The following ALDH3B2 variants were observed in gnomAD, a reference collection of about 807,000 sequenced individuals.
The protein encoded by ALDH3B2 is aldehyde dehydrogenase 3 family member B2.
ALDH3B2 carries 45 observed loss-of-function variants against 36.7 expected under a neutral mutation model. That is an observed-to-expected ratio of 1.23 (90% CI 0.97 to 1.57). The LOEUF is 1.57. ALDH3B2 is among the 40% of genes most tolerant of loss of function. ALDH3B2 has a pLI of 0.00. For synonymous variants in ALDH3B2, 217 were observed against 226.5 expected, an observed-to-expected ratio of 0.96 and a Z score of 0.38; for missense variants, 464 against 513.3, an observed-to-expected ratio of 0.90 and a Z score of 0.93.
intron 3 of ALDH3B2, 36 bp from the exon 4 acceptor site, chr11:67,666,730 G>A: frequency 6.2e-7 from 1 of 1,612,746 alleles, no homozygotes. Context: ...CCCTGCCAAG[G>A]GCCACCCCAA....
chr11:67,680,814 A>G (rs1015177742), intron 1 of ALDH3B2, among the ~76,000 whole-genome samples: 1 of 152,122 alleles, frequency 6.6e-6, no homozygotes, highest in African/African-American at 2.4e-5. Flanking sequence ...AACCTCTCTC[A>G]TTTGGCACCC....
chr11:67,674,248 C>A (rs898128415), intron 1 of ALDH3B2, among the ~76,000 whole-genome samples, 188 bp downstream of exon 1: 57 of 152,166 alleles, frequency 3.7e-4, no homozygotes, highest in African/African-American at 1.3e-3. Flanking sequence ...AAGACACCAG[C>A]ACCCACCTCC....
chr11:67,675,499 G>A (rs1482129151), upstream of ALDH3B2, among the ~76,000 whole-genome samples: 1 of 152,166 alleles, frequency 6.6e-6, no homozygotes, highest in Admixed American at 6.5e-5. Context: ...CTTCCCCCAA[G>A]CCTGAGACCA....
exon 3 of ALDH3B2, chr11:67,666,948 G>A: frequency 1.2e-6 from 2 of 1,614,158 alleles, no homozygotes; most frequent in South Asian, 1.1e-5. Flanking sequence ...AGGCCTGCAG[G>A]TTCTTGAGAG....
At chr11:67,663,185 T>C (rs368399359) in exon 10 of ALDH3B2, 99 of 1,574,360 alleles carry the variant, frequency 6.3e-5, no homozygotes, top group Non-Finnish European at 7.4e-5. Flanking sequence ...CAGGTTTCTC[T>C]GTGTGACCCG....
chr11:67,663,106 G>C (rs1266241153), exon 10 of ALDH3B2: 3 of 1,334,622 alleles, frequency 2.2e-6, no homozygotes, highest in Non-Finnish European at 3.1e-6. Flanking sequence ...CCAGCAACCT[G>C]AGGCTGGGGG....
At chr11:67,664,799 G>A (rs768367102) in intron 7 of ALDH3B2, among the ~76,000 whole-genome samples, 1 of 152,202 alleles carries the variant, frequency 6.6e-6, no homozygotes, top group African/African-American at 2.4e-5. Flanking sequence ...AGAATCCCCC[G>A]ACCTTGGTCT....
Position 67,664,578 on chromosome 11 carries a change from A to G in ALDH3B2, c.707-16T>C. On this transcript the variant is annotated splice_polypyrimidine_tract_variant and intron_variant, in intron 7 of 9. Transcript: ENST00000349015. ...ACCGTGGGGGCTGCGGGCACCAGAG[A>G]CGGCTCAGCCCTGGGGCCACAGTCA... 2 of 1,611,822 alleles carry G rather than the reference A, an allele frequency of 1.2e-6. No individual in the cohort carries two copies. Among genetic ancestry groups the G allele is most frequent in the South Asian group, 2.2e-5 (2 of 90,984 alleles).
At chr11:67,663,515 A>G in intron 9 of ALDH3B2, 116 bp from the exon 10 acceptor site, 1 of 1,400,194 alleles carries the variant, frequency 7.1e-7, no homozygotes, top group South Asian at 1.3e-5. Flanking sequence ...GAGCCAGGCC[A>G]CTCACAGAGC....
upstream of ALDH3B2, among the ~76,000 whole-genome samples, chr11:67,678,903 T>C (rs1351460092): frequency 6.6e-6 from 1 of 152,078 alleles, no homozygotes; most frequent in Non-Finnish European, 1.5e-5. Context: ...GAGGCTATTA[T>C]TCTAAGTGAA....
In ALDH3B2 at chr11:67,666,320, TC is replaced by T; in HGVS notation, c.232del (p.Asp78ThrfsTer19). The T allele has an allele frequency of 6.2e-7, 1 of 1,608,004 alleles. No individual in the cohort carries two copies. The highest frequency in any genetic ancestry group is 1.1e-5 in the South Asian group (1 of 90,452). On this transcript the variant is annotated frameshift_variant, in exon 5 of 10. Transcript: ENST00000349015. LOFTEE classifies it high-confidence loss of function. Reference sequence around the variant, plus strand: ...CTGGGGCAGGGCCACCCTCACCTGGTCCAGGTACTGGGGCAGCACCTCAGCC... The same window carrying T: ...CTGGGGCAGGGCCACCCTCACCTGGTCAGGTACTGGGGCAGCACCTCAGCC...
intron 8 of ALDH3B2, 30 bp from the exon 9 acceptor site, chr11:67,663,791 G>A: frequency 1.3e-6 from 2 of 1,584,584 alleles, no homozygotes; most frequent in Non-Finnish European, 1.7e-6. Flanking sequence ...TGGGTGTTGG[G>A]CTCTAGTCAT....
exon 4 of ALDH3B2, chr11:67,666,676 C>A: frequency 6.2e-7 from 1 of 1,614,148 alleles, no homozygotes; most frequent in Non-Finnish European, 8.5e-7. Flanking sequence ...CAGATGAAGA[C>A]CGAGTCCAGC....
At chr11:67,678,357 CAT>C (rs1277023479), upstream of ALDH3B2, among the ~76,000 whole-genome samples, 1 of 152,038 alleles carries the variant, frequency 6.6e-6, no homozygotes, top group East Asian at 1.9e-4. Flanking sequence ...TAAACAAAAA[CAT>C]AAAGTGGGGA....
chr11:67,675,222 C>A (rs1323489572), upstream of ALDH3B2, among the ~76,000 whole-genome samples: 1 of 152,178 alleles, frequency 6.6e-6, no homozygotes, highest in East Asian at 1.9e-4. Context: ...ATTTACTGTG[C>A]AACCGTGGGT....
intron 1 of ALDH3B2, among the ~76,000 whole-genome samples, chr11:67,669,595 G>A (rs545285708): frequency 6.9e-6 from 1 of 144,144 alleles, no homozygotes; most frequent in Non-Finnish European, 1.5e-5. Flanking sequence ...TGGGTGCTGT[G>A]TCCATGTGTA....
intron 1 of ALDH3B2, chr11:67,671,301 T>G (rs896185707): frequency 6.6e-6 from 1 of 152,200 alleles, no homozygotes; most frequent in Non-Finnish European, 1.5e-5. Flanking sequence ...CTCGGTGAAA[T>G]AATCACGGAG....
At chr11:67,666,780 C>T (rs1021825718) in intron 3 of ALDH3B2, 86 bp from the exon 4 acceptor site, 9 of 1,607,010 alleles carry the variant, frequency 5.6e-6, no homozygotes, top group South Asian at 5.5e-5. Context: ...GCTCCCTGTG[C>T]GATGGAATCC....
At chr11:67,665,558 G>C in exon 7 of ALDH3B2, 1 of 1,614,132 alleles carries the variant, frequency 6.2e-7, no homozygotes, top group South Asian at 1.1e-5. Flanking sequence ...GCCACGGTCT[G>C]GGGGTCGCAG....
Sources: allele counts gnomAD v4.1 joint callset (sites outside exome capture counted in the v4.1 genomes callset), GRCh38; gene constraint gnomAD v4.1.1; transcripts MANE v1.5; gene names NCBI Gene and HGNC (gene_info 2026-07-23, HGNC 2026-07-21).